TAMM41: variants seen among roughly 807,000 people sequenced by gnomAD.
TAMM41 encodes the protein phosphatidate cytidylyltransferase, mitochondrial.
TAMM41 carries 36 observed loss-of-function variants against 44.1 expected under a neutral mutation model. That is an observed-to-expected ratio of 0.82 (90% CI 0.63 to 1.08). TAMM41 has a LOEUF of 1.08. Ranked by LOEUF, TAMM41 falls within the 50% of genes least tolerant of loss-of-function variation. The pLI, the probability that TAMM41 is intolerant of heterozygous loss-of-function variation, is 0.00. For synonymous variants in TAMM41, 164 were observed against 153.1 expected, an observed-to-expected ratio of 1.07 and a Z score of -0.53; for missense variants, 417 against 404.3, an observed-to-expected ratio of 1.03 and a Z score of -0.27.
chr3:11,722,847 T>C, the TAMM41 span, among the ~76,000 whole-genome samples: 1 of 152,198 alleles, frequency 6.6e-6, no homozygotes, highest in Non-Finnish European at 1.5e-5. Flanking sequence ...CACGCTGCTA[T>C]AATCCCAGCT....
At chr3:11,774,522 C>A in the TAMM41 span, among the ~76,000 whole-genome samples, 1 of 152,210 alleles carries the variant, frequency 6.6e-6, no homozygotes, top group Admixed American at 6.5e-5. Context: ...CCCCAGCTGC[C>A]GCCTGCAATC....
chr3:11,819,568 T>A (rs984970014), intron 4 of TAMM41, among the ~76,000 whole-genome samples: 15 of 152,138 alleles, frequency 9.9e-5, no homozygotes, highest in Admixed American at 4.6e-4. Flanking sequence ...TGGAAAGTGA[T>A]CATTTAATAT....
the TAMM41 span, among the ~76,000 whole-genome samples, chr3:11,733,000 G>GTTTT: frequency 3.5e-5 from 3 of 85,548 alleles, no homozygotes; most frequent in Admixed American, 2.6e-4. Context: ...TTTTTTTTTT[G>GTTTT]TTTGTTTGTT....
the TAMM41 span, among the ~76,000 whole-genome samples, chr3:11,772,258 G>GTTTTTT: frequency 7.4e-6 from 1 of 135,836 alleles, no homozygotes. Flanking sequence ...TTTTTTTGTA[G>GTTTTTT]TTTTAGTAGA....
intron 3 of TAMM41, among the ~76,000 whole-genome samples, chr3:11,838,530 T>G (rs975414826): frequency 3.3e-5 from 5 of 152,190 alleles, no homozygotes; most frequent in African/African-American, 9.7e-5. Context: ...GAAGGCACTT[T>G]TCTTGCATGT....
intron 5 of TAMM41, among the ~76,000 whole-genome samples, chr3:11,816,727 C>T (rs2078291920): frequency 1.3e-5 from 2 of 151,708 alleles, no homozygotes; most frequent in Admixed American, 1.3e-4. Context: ...AAGCCGAGAT[C>T]GTGCCACTGC....
chr3:11,744,765 T>A, the TAMM41 span, among the ~76,000 whole-genome samples: 5 of 151,940 alleles, frequency 3.3e-5, no homozygotes, highest in Admixed American at 6.6e-5. Context: ...GGTGGCTCAC[T>A]CCTGTAATCC....
chr3:11,805,852 T>C (rs1486196748), intron 7 of TAMM41, among the ~76,000 whole-genome samples: 1 of 152,274 alleles, frequency 6.6e-6, no homozygotes, highest in Non-Finnish European at 1.5e-5. Flanking sequence ...TGATATGGTT[T>C]GGCTCTGTGT....
At chr3:11,726,765 T>C in the TAMM41 span, among the ~76,000 whole-genome samples, 5 of 143,644 alleles carry the variant, frequency 3.5e-5, no homozygotes, top group South Asian at 1.1e-3. Context: ...ATCGCGCTGC[T>C]GCACTCCAGC....
At chr3:11,725,357 TTTC>T in the TAMM41 span, among the ~76,000 whole-genome samples, 17 of 99,418 alleles carry the variant, frequency 1.7e-4, no homozygotes, top group African/African-American at 4.3e-4. Context: ...CCTCCTTTTT[TTTC>T]TTCTTCTCCT....
At chr3:11,822,224 A>C (rs917375104) in intron 4 of TAMM41, among the ~76,000 whole-genome samples, 6 of 152,194 alleles carry the variant, frequency 3.9e-5, no homozygotes, top group African/African-American at 1.4e-4. Context: ...GCAGTTTTTT[A>C]TGTGGTAGTG....
At chr3:11,724,596 A>G in the TAMM41 span, among the ~76,000 whole-genome samples, 4 of 151,814 alleles carry the variant, frequency 2.6e-5, no homozygotes, top group African/African-American at 4.8e-5. Flanking sequence ...TTGTATTTTT[A>G]GTAGAGACGG....
chr3:11,842,328 A>G (rs2079484183), intron 2 of TAMM41, among the ~76,000 whole-genome samples: 1 of 147,008 alleles, frequency 6.8e-6, no homozygotes, highest in East Asian at 2.0e-4. Context: ...TGGGAGGCGG[A>G]GGTTGCAGTG....
chr3:11,754,784 T>C, the TAMM41 span, among the ~76,000 whole-genome samples: 3 of 148,920 alleles, frequency 2.0e-5, no homozygotes, highest in Non-Finnish European at 1.5e-5. Context: ...CATGATCTTC[T>C]GCCTCCCTGG....
the TAMM41 span, among the ~76,000 whole-genome samples, chr3:11,776,612 C>T: frequency 6.6e-6 from 1 of 152,156 alleles, no homozygotes; most frequent in African/African-American, 2.4e-5. Context: ...GTAGGTTAAG[C>T]CATCTAGGTT....
chr3:11,789,776 A>G (rs1412558660), downstream of TAMM41, among the ~76,000 whole-genome samples: 1 of 152,200 alleles, frequency 6.6e-6, no homozygotes, highest in African/African-American at 2.4e-5. Context: ...GTGATTTGGA[A>G]GCCCACAGCC....
chr3:11,752,897 G>T, the TAMM41 span, among the ~76,000 whole-genome samples: 1 of 151,424 alleles, frequency 6.6e-6, no homozygotes, highest in Non-Finnish European at 1.5e-5. Context: ...TCTAGCGATC[G>T]TCCTGCCTTA....
intron 3 of TAMM41, among the ~76,000 whole-genome samples, chr3:11,837,906 T>C (rs2079254180): frequency 6.6e-6 from 1 of 152,196 alleles, no homozygotes; most frequent in Non-Finnish European, 1.5e-5. Flanking sequence ...GAGTGGACTG[T>C]GACCCGGCTT....
the TAMM41 span, among the ~76,000 whole-genome samples, chr3:11,742,641 C>T: frequency 2.7e-5 from 4 of 146,880 alleles, no homozygotes; most frequent in Admixed American, 1.4e-4. Flanking sequence ...TGCTGGAGGG[C>T]AGTGGCATGA....
Sources: gnomAD v4.1 joint callset for allele counts (sites outside exome capture counted in the v4.1 genomes callset) on GRCh38, gnomAD v4.1.1 for gene constraint, MANE v1.5 for transcripts, NCBI Gene and HGNC (gene_info 2026-07-23, HGNC 2026-07-21) for gene names.